MAML2: variants seen among roughly 807,000 people sequenced by gnomAD.
MAML2 encodes the protein mastermind like transcriptional coactivator 2, also known as mastermind-like protein 2.
A neutral mutation model predicts 96.1 loss-of-function variants in MAML2; 22 were observed. That is an observed-to-expected ratio of 0.23 (90% confidence interval 0.16 to 0.33). The LOEUF (loss-of-function observed/expected upper bound fraction) is 0.33. Among genes scored for constraint, MAML2 ranks in the 10% least tolerant of loss-of-function variants. The probability of loss-of-function intolerance (pLI) is 1.00; values close to 1 mark genes in which losing one functional copy is unlikely to be tolerated. For missense variants in MAML2, 1,367 were observed against 1,392.4 expected (o/e 0.98, Z 0.29); for synonymous variants, 561 against 521.3 (o/e 1.08, Z -1.04).
chr11:95,990,363 G>A (rs1213165108), intron 3 of MAML2, among the ~76,000 whole-genome samples: 2 of 151,506 alleles, frequency 1.3e-5, no homozygotes, highest in East Asian at 1.9e-4. Flanking sequence ...CCCCCTTCTC[G>A]TGCACACTCA....
rs1351729827 is a variant in MAML2 at position 96,182,374 on chromosome 11, AG to A, written c.514-88858del. 2.6e-5 allele frequency among the ~76,000 whole-genome samples: 4 copies of A among 152,324 alleles called. No homozygotes were observed. In the East Asian group the frequency reaches 7.7e-4, roughly 29 times the overall value. ...CTTACTGTGTATCAGGCAGATCGCT[AG>A]GCACTTGCCTATGTACCAACAGGTT... On this transcript the variant is annotated intron_variant, in intron 1 of 4. Coordinates refer to ENST00000524717, the MANE Select transcript of MAML2 (RefSeq NM_032427.4).
chr11:96,273,280 A>G (rs964020027), intron 1 of MAML2, among the ~76,000 whole-genome samples: 6 of 152,214 alleles, frequency 3.9e-5, no homozygotes, highest in African/African-American at 1.4e-4. Context: ...TTTCCCCATA[A>G]AAGTTGTAAA....
At chr11:96,186,040 A>T (rs1166812144) in intron 1 of MAML2, among the ~76,000 whole-genome samples, 1 of 152,180 alleles carries the variant, frequency 6.6e-6, no homozygotes, top group African/African-American at 2.4e-5. Flanking sequence ...TTTACACCTT[A>T]CAGTTTGAGG....
At chr11:96,150,057 C>T (rs765115207) in intron 1 of MAML2, among the ~76,000 whole-genome samples, 1 of 152,156 alleles carries the variant, frequency 6.6e-6, no homozygotes, top group Non-Finnish European at 1.5e-5. Context: ...ATATTCTACC[C>T]CTCAAATTAT....
At chr11:96,256,785 C>T (rs1459502406) in intron 1 of MAML2, among the ~76,000 whole-genome samples, 2 of 152,192 alleles carry the variant, frequency 1.3e-5, no homozygotes, top group African/African-American at 4.8e-5. Flanking sequence ...ACTTATTTTA[C>T]ACATCTGAAG....
chr11:96,266,168 A>G (rs1862822609), intron 1 of MAML2, among the ~76,000 whole-genome samples: 1 of 152,074 alleles, frequency 6.6e-6, no homozygotes. Flanking sequence ...CACTGAAGAA[A>G]CGAGCCACTT....
chr11:95,986,424 A>G (rs1857830477), intron 3 of MAML2, among the ~76,000 whole-genome samples: 1 of 151,248 alleles, frequency 6.6e-6, no homozygotes, highest in Non-Finnish European at 1.5e-5. Flanking sequence ...CTGGTCTCGA[A>G]CTCCTGACCT....
At chr11:96,106,787 C>T (rs1345965622) in intron 1 of MAML2, among the ~76,000 whole-genome samples, 2 of 152,084 alleles carry the variant, frequency 1.3e-5, no homozygotes, top group Non-Finnish European at 2.9e-5. Flanking sequence ...AAGATGTCAG[C>T]AGGATTGATG....
chr11:96,243,404 C>G (rs1456041210), intron 1 of MAML2, among the ~76,000 whole-genome samples: 2 of 152,292 alleles, frequency 1.3e-5, no homozygotes, highest in Admixed American at 6.5e-5. Context: ...CAGCTCTGAA[C>G]AGACAGAAAT....
Position 96,083,091 on chromosome 11 carries a change from T to G in MAML2, c.2139+8801A>C, listed in dbSNP as rs372879302. Among the ~76,000 whole-genome samples the G allele has an allele frequency of 1.8e-4, 27 of 152,228 alleles. No individual in the cohort carries two copies. In the East Asian group the frequency reaches 3.5e-3, roughly 20 times the overall value. On this transcript the variant is annotated intron_variant, in intron 2 of 4. Transcript: ENST00000524717. ...GGCCTCTGAGAAGTGGCACGTGGGG[T>G]GCAAGGGAGAAAATGAGACAGAGGA...
intron 2 of MAML2, among the ~76,000 whole-genome samples, chr11:96,015,437 C>T (rs1185740681): frequency 6.6e-6 from 1 of 151,924 alleles, no homozygotes; most frequent in African/African-American, 2.4e-5. Flanking sequence ...ATTTTGTAAA[C>T]ACTGTACTCC....
At chr11:96,087,204 C>T (rs1411431128) in intron 2 of MAML2, among the ~76,000 whole-genome samples, 3 of 152,004 alleles carry the variant, frequency 2.0e-5, no homozygotes, top group South Asian at 4.1e-4. Flanking sequence ...AACAGAATAA[C>T]GACAGAAGAA....
intron 2 of MAML2, among the ~76,000 whole-genome samples, chr11:96,014,307 A>G (rs1459370789): frequency 2.6e-5 from 4 of 152,186 alleles, no homozygotes; most frequent in African/African-American, 4.8e-5. Flanking sequence ...CAAAAAGACT[A>G]CCTTATTATT....
At chr11:96,015,437 C>A (rs1185740681) in intron 2 of MAML2, among the ~76,000 whole-genome samples, 1 of 151,924 alleles carries the variant, frequency 6.6e-6, no homozygotes, top group South Asian at 2.1e-4. Flanking sequence ...ATTTTGTAAA[C>A]ACTGTACTCC....
intron 1 of MAML2, among the ~76,000 whole-genome samples, chr11:96,223,387 C>T (rs1286654088): frequency 1.3e-5 from 2 of 152,234 alleles, no homozygotes; most frequent in South Asian, 2.1e-4. Context: ...TCATTATCAA[C>T]ATTTATTTGT....
intron 1 of MAML2, among the ~76,000 whole-genome samples, chr11:96,100,861 T>C (rs1358137541): frequency 6.7e-6 from 1 of 150,360 alleles, no homozygotes; most frequent in Non-Finnish European, 1.5e-5. Flanking sequence ...TCCTTTCCCC[T>C]CAGCCACTGG....
intron 1 of MAML2, among the ~76,000 whole-genome samples, chr11:96,096,113 GAACA>G (rs1168675061): frequency 1.3e-5 from 2 of 152,302 alleles, no homozygotes; most frequent in East Asian, 1.9e-4. Flanking sequence ...AACTAGGAAA[GAACA>G]AACAAAGGAG....
intron 2 of MAML2, among the ~76,000 whole-genome samples, chr11:96,057,471 T>G (rs1170676094): frequency 2.0e-5 from 3 of 152,146 alleles, no homozygotes; most frequent in Non-Finnish European, 2.9e-5. Context: ...AACCTCAGAG[T>G]GTCGAGTCCT....
intron 2 of MAML2, among the ~76,000 whole-genome samples, chr11:96,000,903 G>T (rs147559834): frequency 6.6e-6 from 1 of 152,322 alleles, no homozygotes; most frequent in East Asian, 1.9e-4. Context: ...CTTATTGGGG[G>T]TGAGAGGTTG....
Sources: gnomAD v4.1 joint callset for allele counts (sites outside exome capture counted in the v4.1 genomes callset) on GRCh38, gnomAD v4.1.1 for gene constraint, MANE v1.5 for transcripts, NCBI Gene and HGNC (gene_info 2026-07-23, HGNC 2026-07-21) for gene names.